The following CDH13 variants were observed in gnomAD, a reference collection of about 807,000 sequenced individuals.
The protein encoded by CDH13 is cadherin 13.
CDH13 carries 24 observed loss-of-function variants against 63.8 expected under a neutral mutation model. The observed-to-expected ratio is 0.38, with a 90% confidence interval of 0.27 to 0.53. CDH13 has a LOEUF of 0.53. Ranked by LOEUF, CDH13 falls within the 20% of genes least tolerant of loss-of-function variation. The probability of loss-of-function intolerance (pLI) is 0.85; values close to 1 mark genes in which losing one functional copy is unlikely to be tolerated. For missense variants in CDH13, 1,049 were observed against 903.1 expected, an observed-to-expected ratio of 1.16 and a Z score of -2.07; for synonymous variants, 503 against 355.3, an observed-to-expected ratio of 1.42 and a Z score of -4.67.
At chr16:83,470,136 C>T (rs1461294088) in intron 6 of CDH13, among the ~76,000 whole-genome samples, 1 of 152,184 alleles carries the variant, frequency 6.6e-6, no homozygotes, top group Non-Finnish European at 1.5e-5. Context: ...CACCTGTGTG[C>T]ACACTCTCGC....
At chr16:83,626,898 A>G (rs1276171929) in intron 8 of CDH13, among the ~76,000 whole-genome samples, 1 of 151,730 alleles carries the variant, frequency 6.6e-6, no homozygotes, top group Non-Finnish European at 1.5e-5. Context: ...TGTCTGGACC[A>G]CCTTCTGCCT....
intron 7 of CDH13, among the ~76,000 whole-genome samples, chr16:83,567,198 T>G (rs1384303345): frequency 6.6e-6 from 1 of 152,234 alleles, no homozygotes; most frequent in Non-Finnish European, 1.5e-5. Flanking sequence ...CAGTGCCCAG[T>G]CATGGCTCTC....
intron 2 of CDH13, among the ~76,000 whole-genome samples, chr16:82,874,196 C>T (rs1020623438): frequency 1.3e-5 from 2 of 152,128 alleles, no homozygotes; most frequent in African/African-American, 4.8e-5. Context: ...CATGTCAGTT[C>T]AGGTTGGGTT....
At chr16:83,327,554 A>AT (rs1432724699) in intron 5 of CDH13, among the ~76,000 whole-genome samples, 1 of 152,246 alleles carries the variant, frequency 6.6e-6, no homozygotes, top group East Asian at 1.9e-4. Flanking sequence ...TATGGAAACA[A>AT]GACAGACAAA....
intron 1 of CDH13, among the ~76,000 whole-genome samples, chr16:82,808,563 C>G (rs1339975496): frequency 2.6e-5 from 4 of 152,140 alleles, no homozygotes; most frequent in African/African-American, 7.2e-5. Flanking sequence ...AAGGACATCA[C>G]CAAGAAGAAG....
At chr16:82,894,123 A>C (rs907747567) in intron 2 of CDH13, among the ~76,000 whole-genome samples, 27 of 152,190 alleles carry the variant, frequency 1.8e-4, no homozygotes, top group Non-Finnish European at 3.7e-4. Flanking sequence ...CCGTTCCTTC[A>C]TTCAATGATG....
intron 5 of CDH13, among the ~76,000 whole-genome samples, chr16:83,339,753 G>T (rs1302116366): frequency 6.6e-6 from 1 of 152,092 alleles, no homozygotes; most frequent in Non-Finnish European, 1.5e-5. Flanking sequence ...ACCAGTGCAG[G>T]TGGCATCTGG....
At chr16:83,602,097 AGAACAAC>A (rs1567797477) in intron 7 of CDH13, among the ~76,000 whole-genome samples, 9 of 70,432 alleles carry the variant, frequency 1.3e-4, no homozygotes, top group African/African-American at 3.8e-4. Flanking sequence ...AAAAAAAAAA[AGAACAAC>A]AACAAAAAAA....
intron 1 of CDH13, among the ~76,000 whole-genome samples, chr16:82,721,463 G>T (rs11639865): frequency 1.3e-5 from 2 of 152,098 alleles, no homozygotes; most frequent in Non-Finnish European, 2.9e-5. Context: ...TGCAGGATAG[G>T]TATGGGCACA....
intron 1 of CDH13, among the ~76,000 whole-genome samples, chr16:82,828,627 A>G (rs902602553): frequency 4.0e-5 from 6 of 148,678 alleles, no homozygotes; most frequent in South Asian, 2.2e-4. Context: ...GTCTAAAATA[A>G]AAATAAAAAT....
chr16:82,675,856 G>C (rs978219871), intron 1 of CDH13, among the ~76,000 whole-genome samples: 2 of 152,158 alleles, frequency 1.3e-5, no homozygotes, highest in African/African-American at 4.8e-5. Flanking sequence ...CAAAAGAAAT[G>C]GGTATTGCTC....
chr16:83,425,418 T>G (rs556422114), intron 6 of CDH13, among the ~76,000 whole-genome samples: 1 of 152,358 alleles, frequency 6.6e-6, no homozygotes, highest in East Asian at 1.9e-4. Context: ...ACTTACCTGC[T>G]GCGTTCCCAC....
intron 8 of CDH13, among the ~76,000 whole-genome samples, chr16:83,667,027 A>G (rs1387913559): frequency 2.1e-5 from 1 of 47,464 alleles, no homozygotes; most frequent in South Asian, 5.6e-4. Context: ...GGATGGATGG[A>G]TGGGTGGATG....
intron 1 of CDH13, among the ~76,000 whole-genome samples, chr16:82,784,894 C>G (rs114088501): frequency 6.6e-6 from 1 of 152,152 alleles, no homozygotes; most frequent in Non-Finnish European, 1.5e-5. Context: ...CAAAGGGCAG[C>G]GAGGCTGATG....
chr16:83,529,651 T>C (rs1166314601), intron 7 of CDH13, among the ~76,000 whole-genome samples: 1 of 152,226 alleles, frequency 6.6e-6, no homozygotes, highest in Non-Finnish European at 1.5e-5. Flanking sequence ...ATGGATGATC[T>C]GTACTACTGT....
At chr16:83,562,995 C>G (rs2075734395) in intron 7 of CDH13, among the ~76,000 whole-genome samples, 1 of 152,198 alleles carries the variant, frequency 6.6e-6, no homozygotes, top group African/African-American at 2.4e-5. Flanking sequence ...GTCCCCTTTT[C>G]TCTCTGGGTG....
intron 1 of CDH13, among the ~76,000 whole-genome samples, chr16:82,641,939 C>T (rs1230721746): frequency 6.6e-6 from 1 of 152,144 alleles, no homozygotes; most frequent in African/African-American, 2.4e-5. Flanking sequence ...TAGATAGCGA[C>T]AGGCAGAGGT....
At chr16:83,565,411 G>C (rs1334306614) in intron 7 of CDH13, among the ~76,000 whole-genome samples, 2 of 128,704 alleles carry the variant, frequency 1.6e-5, no homozygotes, top group Admixed American at 8.4e-5. Context: ...TAGTTGCAGA[G>C]TTTTTCGGAA....
At chr16:83,244,331 T>C (rs1190606709) in intron 5 of CDH13, among the ~76,000 whole-genome samples, 2 of 152,128 alleles carry the variant, frequency 1.3e-5, no homozygotes, top group East Asian at 3.9e-4. Context: ...TTACTGTGTG[T>C]GAAGCAGTAT....
Sources: gnomAD v4.1 joint callset for allele counts (sites outside exome capture counted in the v4.1 genomes callset) on GRCh38, gnomAD v4.1.1 for gene constraint, MANE v1.5 for transcripts, NCBI Gene and HGNC (gene_info 2026-07-23, HGNC 2026-07-21) for gene names.